The following EPHX2 variants were observed in gnomAD, a reference collection of about 807,000 sequenced individuals.
The protein encoded by EPHX2 is epoxide hydrolase 2.
EPHX2 carries 74 observed loss-of-function variants against 78.7 expected under a neutral mutation model. The ratio of observed to expected loss-of-function variants is 0.94; its 90% CI spans 0.78 to 1.14. EPHX2 has a LOEUF of 1.14. Ranked by LOEUF, EPHX2 falls within the 50% of genes most tolerant of loss-of-function variation. EPHX2 has a pLI of 0.00. For missense variants in EPHX2, 715 were observed against 702.5 expected, an observed-to-expected ratio of 1.02 and a Z score of -0.20; for synonymous variants, 251 against 255.2, an observed-to-expected ratio of 0.98 and a Z score of 0.16.
At chr8:27,533,937 T>G (rs1815127591) in intron 12 of EPHX2, among the ~76,000 whole-genome samples, 1 of 152,142 alleles carries the variant, frequency 6.6e-6, no homozygotes, top group African/African-American at 2.4e-5. Flanking sequence ...CTTTAAAGGA[T>G]CATTTGAGGC....
intron 12 of EPHX2, among the ~76,000 whole-genome samples, chr8:27,536,259 CA>C (rs57578624): frequency 8.7e-5 from 13 of 149,098 alleles, no homozygotes; most frequent in Non-Finnish European, 1.3e-4. Context: ...GTTTCTACAG[CA>C]AAAAAAAAAT....
In EPHX2 at chr8:27,540,641, A is replaced by G. The variant is rs1815368279; in HGVS notation, c.1364A>G (p.Lys455Arg). ...EEIQFYVQQF[K>R]KSGFRGPLNW... Reference sequence around the variant, plus strand: ...ATCCAGTTCTATGTGCAGCAGTTCAAGAAGTCTGGTTTCAGGTAAAGAGAG... The same window carrying G: ...ATCCAGTTCTATGTGCAGCAGTTCAGGAAGTCTGGTTTCAGGTAAAGAGAG... Residue 455 changes from lysine (K) to arginine (R), a missense_variant, in exon 15 of 19, where the codon AAG becomes AGG. Transcript: ENST00000521400. 2 of 1,613,966 alleles carry G rather than the reference A, an allele frequency of 1.2e-6. No homozygotes were observed. Among genetic ancestry groups the G allele is most frequent in the African/African-American group, 2.7e-5 (2 of 74,932 alleles).
chr8:27,515,727 C>T lies in EPHX2; in HGVS notation c.745C>T (p.Arg249Cys), dbSNP rs765542530. ...HGYVTVKPRVRLHFVELGSGP... is the reference protein window; with the variant it reads ...HGYVTVKPRVCLHFVELGSGP... ...TCTTTCCCTTCCACAGCCCAGGGTC[C>T]GTCTGCATTTTGTGGAGCTGGGCTC... The change falls in exon 7 of 19, where the codon CGT becomes TGT. Residue 249 changes from arginine (R) to cysteine (C), a missense_variant. Physicochemically the swap from Arg to Cys is radical, Grantham distance 180. Transcript: ENST00000521400. The T allele has an allele frequency of 6.2e-5, 100 of 1,613,768 alleles. No individual in the cohort carries two copies. Among genetic ancestry groups the T allele is most frequent in the South Asian group, 2.5e-4 (23 of 91,066 alleles).
intron 14 of EPHX2, chr8:27,539,116 C>T (rs529646764): frequency 1.2e-5 from 2 of 170,718 alleles, no homozygotes; most frequent in South Asian, 1.5e-4. Context: ...CCAATTCCCC[C>T]ACCTGGAGCT....
At chr8:27,520,006 CT>C (rs552549981) in intron 9 of EPHX2, among the ~76,000 whole-genome samples, 306 of 141,066 alleles carry the variant, frequency 2.2e-3, no homozygotes, top group Middle Eastern at 7.4e-3. Context: ...CTTTTCTTTT[CT>C]TTTTTTTTTT....
At chr8:27,539,758 G>A (rs1445452729) in intron 14 of EPHX2, among the ~76,000 whole-genome samples, 1 of 152,236 alleles carries the variant, frequency 6.6e-6, no homozygotes, top group Non-Finnish European at 1.5e-5. Context: ...GAGGTACAGT[G>A]AGTCTGGAGC....
In EPHX2 at chr8:27,522,329, C is replaced by T. The variant is rs970343173; in HGVS notation, c.973-94C>T. On this transcript the variant is annotated intron_variant, in intron 10 of 18. Coordinates refer to ENST00000521400, the MANE Select transcript of EPHX2 (RefSeq NM_001979.6). ...AGCTGCTGTGGGTCGGGGGAGGAGA[C>T]CCTGGTGTCGAGGGGCTGGCTGATG... 49 of 1,199,656 alleles carry T rather than the reference C, an allele frequency of 4.1e-5. No individual in the cohort carries two copies. The African/African-American group carries it at 5.4e-4, about 13-fold the overall frequency. The allele number at this position is 1,199,656 out of a possible 1,614,324, so 74.3% of individuals were successfully genotyped here.
chr8:27,523,011 G>A (rs534709744), intron 11 of EPHX2, among the ~76,000 whole-genome samples: 1 of 149,704 alleles, frequency 6.7e-6, no homozygotes, highest in East Asian at 2.0e-4. Context: ...TAATGTGTTA[G>A]GAAGCGGCAC....
At chr8:27,513,957 A>C (rs535251295) in intron 6 of EPHX2, among the ~76,000 whole-genome samples, 1 of 152,364 alleles carries the variant, frequency 6.6e-6, no homozygotes, top group South Asian at 2.1e-4. Context: ...GTAGTCTGTG[A>C]GAGGGTCTGC....
chr8:27,502,072 C>G (rs1813820575), intron 2 of EPHX2, among the ~76,000 whole-genome samples: 1 of 152,216 alleles, frequency 6.6e-6, no homozygotes, highest in Admixed American at 6.5e-5. Flanking sequence ...ATTCTCAGCG[C>G]TGTAGGCAAC....
intron 1 of EPHX2, among the ~76,000 whole-genome samples, chr8:27,491,747 G>C (rs976723073): frequency 3.3e-5 from 5 of 152,184 alleles, no homozygotes; most frequent in Non-Finnish European, 7.3e-5. Flanking sequence ...GGGGTGTGCA[G>C]AGTGAGAGCT....
rs758804517 is a variant in EPHX2 at position 27,506,955 on chromosome 8, C to T, written c.621C>T (p.Asp207=). The T allele has an allele frequency of 7.4e-6, 12 of 1,614,086 alleles. No individual in the cohort carries two copies. In the East Asian group the frequency reaches 2.2e-4, roughly 30 times the overall value. The stretch of plus-strand genomic sequence containing the variant: ...TCACCATCCTGGTCCAGGACACTGA[C>T]ACGGCCCTGAAAGAACTGGAGAAAG... ...GMVTILVQDT[D]TALKELEKVT... Residue 207 remains aspartate (D), a synonymous_variant, in exon 5 of 19, where the codon GAC becomes GAT. Coordinates refer to ENST00000521400, the MANE Select transcript of EPHX2 (RefSeq NM_001979.6).
At chr8:27,497,080 A>G (rs1410730078) in intron 1 of EPHX2, among the ~76,000 whole-genome samples, 1 of 152,180 alleles carries the variant, frequency 6.6e-6, no homozygotes, top group South Asian at 2.1e-4. Context: ...GACCTTGAGG[A>G]CAGCCATCTG....
intron 12 of EPHX2, among the ~76,000 whole-genome samples, chr8:27,536,315 G>A (rs1815209253): frequency 6.6e-6 from 1 of 152,162 alleles, no homozygotes; most frequent in African/African-American, 2.4e-5. Flanking sequence ...AGGTTGCCCA[G>A]GCTGCTCTTA....
intron 1 of EPHX2, among the ~76,000 whole-genome samples, chr8:27,498,112 T>C (rs1813640167): frequency 6.6e-6 from 1 of 152,232 alleles, no homozygotes; most frequent in South Asian, 2.1e-4. Flanking sequence ...AGGACATCTA[T>C]ATACCTATCA....
At chr8:27,534,365 G>A (rs747659602) in intron 12 of EPHX2, among the ~76,000 whole-genome samples, 2 of 152,078 alleles carry the variant, frequency 1.3e-5, no homozygotes, top group Non-Finnish European at 2.9e-5. Context: ...AAAGAGTAAC[G>A]TCTCACTGGG....
At chr8:27,495,854 C>T (rs1228583472) in intron 1 of EPHX2, among the ~76,000 whole-genome samples, 4 of 152,182 alleles carry the variant, frequency 2.6e-5, no homozygotes, top group African/African-American at 4.8e-5. Flanking sequence ...AAGTCTTGTC[C>T]TTTGGGAAGG....
At chr8:27,526,068 G>A (rs141190591) in intron 12 of EPHX2, among the ~76,000 whole-genome samples, 1 of 152,314 alleles carries the variant, frequency 6.6e-6, no homozygotes, top group Non-Finnish European at 1.5e-5. Context: ...GCATCCACTT[G>A]CAGGAATTAT....
intron 16 of EPHX2, 83 bp downstream of exon 16, chr8:27,541,625 T>A: frequency 1.4e-6 from 2 of 1,453,214 alleles, no homozygotes; most frequent in Non-Finnish European, 1.9e-6. Context: ...TGATATGACC[T>A]GGGCCAGAGC....
Sources: allele counts gnomAD v4.1 joint callset (sites outside exome capture counted in the v4.1 genomes callset), GRCh38; gene constraint gnomAD v4.1.1; transcripts MANE v1.5; gene names NCBI Gene and HGNC (gene_info 2026-07-23, HGNC 2026-07-21).